Variants in SPIDR observed in about 807,000 individuals in gnomAD.
SPIDR encodes DNA repair-scaffolding protein.
Under a neutral mutation model 104.6 loss-of-function variants are expected in SPIDR, and 93 were observed. The ratio of observed to expected loss-of-function variants is 0.89; its 90% CI spans 0.75 to 1.06. The LOEUF (loss-of-function observed/expected upper bound fraction) is 1.06, where lower values mean the gene tolerates loss of function less well. Ranked by LOEUF, SPIDR falls within the 50% of genes least tolerant of loss-of-function variation. SPIDR has a pLI of 0.00. For synonymous variants in SPIDR, 431 were observed against 416.9 expected, an observed-to-expected ratio of 1.03 and a Z score of -0.41; for missense variants, 1,154 against 1,111.2, an observed-to-expected ratio of 1.04 and a Z score of -0.55.
rs185241430 is a variant in SPIDR at position 47,682,647 on chromosome 8, A to G, written c.1685+8706A>G. On this transcript the variant is annotated intron_variant, in intron 11 of 19. Transcript: ENST00000297423. ...TTATGCTGTTATGAAAATAACTACA[A>G]CTATTTCATAAGTTCAGTTGGAAAA... 4.6e-4 allele frequency among the ~76,000 whole-genome samples: 70 copies of G among 152,360 alleles called. No homozygotes were observed. The East Asian group carries it at 0.012, about 25-fold the overall frequency.
chr8:47,623,573 G>T (rs1394924490), intron 10 of SPIDR, among the ~76,000 whole-genome samples: 1 of 152,160 alleles, frequency 6.6e-6, no homozygotes, highest in Non-Finnish European at 1.5e-5. Context: ...ACAGAAAAAG[G>T]CAGGGGTTGC....
chr8:47,588,230 G>C (rs1337927481), intron 8 of SPIDR, among the ~76,000 whole-genome samples: 1 of 149,256 alleles, frequency 6.7e-6, no homozygotes, highest in Non-Finnish European at 1.5e-5. Flanking sequence ...CATTTGTTAA[G>C]ATCTTTGATT....
chr8:47,410,283 G>A (rs1230984813), intron 7 of SPIDR, among the ~76,000 whole-genome samples: 1 of 151,740 alleles, frequency 6.6e-6, no homozygotes, highest in African/African-American at 2.4e-5. Context: ...CTGAGTTCAA[G>A]CGATTCTCCT....
intron 10 of SPIDR, among the ~76,000 whole-genome samples, chr8:47,635,148 C>T (rs2067695910): frequency 6.6e-6 from 1 of 151,676 alleles, no homozygotes; most frequent in African/African-American, 2.4e-5. Context: ...GGGAGGCCGC[C>T]AACATGGTGA....
chr8:47,617,435 T>C (rs1465702108), intron 10 of SPIDR, among the ~76,000 whole-genome samples: 2 of 152,164 alleles, frequency 1.3e-5, no homozygotes, highest in East Asian at 1.9e-4. Context: ...ATTAATGGTA[T>C]AGGATTGGGG....
intron 15 of SPIDR, 115 bp downstream of exon 15, chr8:47,712,987 G>A: frequency 1.3e-6 from 2 of 1,514,634 alleles, no homozygotes; most frequent in South Asian, 2.6e-5. Flanking sequence ...CACCTTCACG[G>A]AGCCCATCAC....
chr8:47,303,454 G>A (rs1236872038), intron 5 of SPIDR, among the ~76,000 whole-genome samples: 1 of 152,102 alleles, frequency 6.6e-6, no homozygotes, highest in Admixed American at 6.6e-5. Flanking sequence ...CCAGTGTGCT[G>A]CACCCTCTGT....
At chr8:47,406,724 AT>A (rs1263336121) in intron 6 of SPIDR, among the ~76,000 whole-genome samples, 3 of 152,204 alleles carry the variant, frequency 2.0e-5, no homozygotes, top group African/African-American at 7.2e-5. Flanking sequence ...AATCATGGGC[AT>A]TTTTTGAAGG....
chr8:47,516,101 G>T (rs1454426481), intron 8 of SPIDR, among the ~76,000 whole-genome samples: 1 of 152,130 alleles, frequency 6.6e-6, no homozygotes, highest in African/African-American at 2.4e-5. Flanking sequence ...GAGCCACTGC[G>T]CCCGGCCAGT....
chr8:47,533,830 T>C (rs1227583559), intron 8 of SPIDR, among the ~76,000 whole-genome samples: 3 of 152,130 alleles, frequency 2.0e-5, no homozygotes, highest in Non-Finnish European at 2.9e-5. Flanking sequence ...GAGTGTAAAT[T>C]AGTTCAGCCA....
At chr8:47,730,205 G>GT (rs1452118466) in intron 19 of SPIDR, among the ~76,000 whole-genome samples, 2 of 152,140 alleles carry the variant, frequency 1.3e-5, no homozygotes, top group African/African-American at 4.8e-5. Context: ...GTGAATCTTA[G>GT]TAAAGCAGGG....
intron 8 of SPIDR, among the ~76,000 whole-genome samples, chr8:47,466,969 G>A (rs1554717826): frequency 6.7e-6 from 1 of 148,246 alleles, no homozygotes; most frequent in East Asian, 2.0e-4. Context: ...TAGACTGCTA[G>A]CTAGACTAAA....
intron 8 of SPIDR, among the ~76,000 whole-genome samples, chr8:47,528,458 T>G (rs934323385): frequency 6.6e-6 from 1 of 152,160 alleles, no homozygotes; most frequent in Non-Finnish European, 1.5e-5. Context: ...AGAGCAAGCA[T>G]TAGAACCAGA....
chr8:47,354,553 T>TG, intron 5 of SPIDR, among the ~76,000 whole-genome samples: 1 of 152,302 alleles, frequency 6.6e-6, no homozygotes, highest in Middle Eastern at 3.4e-3. Context: ...GACGTTCAGA[T>TG]GCTAATGTTT....
At chr8:47,329,582 G>T (rs1430045077) in intron 5 of SPIDR, among the ~76,000 whole-genome samples, 1 of 152,116 alleles carries the variant, frequency 6.6e-6, no homozygotes, top group Non-Finnish European at 1.5e-5. Context: ...ATCTTCCTTA[G>T]ATTTGTTACT....
intron 8 of SPIDR, among the ~76,000 whole-genome samples, chr8:47,532,770 CAAT>C (rs1192337401): frequency 6.6e-6 from 1 of 152,174 alleles, no homozygotes. Context: ...CTGAACAACA[CAAT>C]CAACAGAATC....
chr8:47,638,411 T>C (rs1206222369), intron 10 of SPIDR, among the ~76,000 whole-genome samples: 1 of 152,208 alleles, frequency 6.6e-6, no homozygotes, highest in Non-Finnish European at 1.5e-5. Flanking sequence ...CCCAAAGTGC[T>C]GGGATTACAG....
At chr8:47,333,326 G>A (rs979721428) in intron 5 of SPIDR, among the ~76,000 whole-genome samples, 1 of 151,974 alleles carries the variant, frequency 6.6e-6, no homozygotes, top group Admixed American at 6.6e-5. Context: ...TTTTTAGATG[G>A]AGTCTTGCTC....
At chr8:47,358,887 A>G (rs1256726464) in intron 5 of SPIDR, among the ~76,000 whole-genome samples, 2 of 152,140 alleles carry the variant, frequency 1.3e-5, no homozygotes, top group Non-Finnish European at 2.9e-5. Flanking sequence ...ATAAATCTCA[A>G]TTGATTTTTC....
Sources: gnomAD v4.1 joint callset for allele counts (sites outside exome capture counted in the v4.1 genomes callset) on GRCh38, gnomAD v4.1.1 for gene constraint, MANE v1.5 for transcripts, NCBI Gene and HGNC (gene_info 2026-07-23, HGNC 2026-07-21) for gene names.